Variants in DNAJC10 observed in about 807,000 individuals in gnomAD.
The protein encoded by DNAJC10 is endoplasmic reticulum disulfide reductase DNAJC10.
Under a neutral mutation model 115.0 loss-of-function variants are expected in DNAJC10, and 101 were observed. That is an observed-to-expected ratio of 0.88 (90% CI 0.75 to 1.04). The LOEUF is 1.04. Among genes scored for constraint, DNAJC10 ranks in the 50% least tolerant of loss-of-function variants. The probability of loss-of-function intolerance (pLI) is 0.00; values close to 1 mark genes in which losing one functional copy is unlikely to be tolerated. For synonymous variants in DNAJC10, 307 were observed against 301.5 expected (o/e 1.02, Z -0.19); for missense variants, 981 against 928.8 (o/e 1.06, Z -0.73).
At chr2:182,738,547 G>T (rs1559006010) in intron 11 of DNAJC10, among the ~76,000 whole-genome samples, 2 of 146,082 alleles carry the variant, frequency 1.4e-5, no homozygotes, top group African/African-American at 2.5e-5. Flanking sequence ...GTTTTTTTTG[G>T]TTTTTTTTTT....
rs1694952691 is a variant in DNAJC10, at chr2:182,786,691, C to A, written c.*9559C>A. ...CTTCAAACCCCATTCTTGCCAAAGC[C>A]AAGTTCTCTCCCTCCCTCTCAACAG... On this transcript the variant is annotated 3_prime_UTR_variant, in exon 24 of 24. Coordinates refer to ENST00000264065, the MANE Select transcript of DNAJC10 (RefSeq NM_018981.4). 1.3e-5 allele frequency: 2 copies of A among 152,268 alleles called. No homozygotes were observed. 9.4% of individuals were successfully genotyped at this position (152,268 alleles called of 1,614,324 possible). A position where few individuals can be genotyped will look rare whatever the true frequency, so the allele number is the denominator to read the frequency against.
chr2:182,780,332 A>T lies in DNAJC10; in HGVS notation c.*3200A>T, dbSNP rs1396143558. The stretch of plus-strand genomic sequence containing the variant: ...GAGTTCCTGCTGTGTTTATTCCTGC[A>T]AGAGCTGGTTGTTAAAAGGAACTTG... On this transcript the variant is annotated 3_prime_UTR_variant, in exon 24 of 24. Coordinates refer to ENST00000264065, the MANE Select transcript of DNAJC10 (RefSeq NM_018981.4). The T allele has an allele frequency of 6.6e-6, 1 of 152,092 alleles. No homozygotes were observed. Among genetic ancestry groups the T allele is most frequent in the East Asian group, 1.9e-4 (1 of 5,164 alleles). The allele number at this position is 152,092 out of a possible 1,614,324, so 9.4% of individuals were successfully genotyped here.
chr2:182,719,748 A>G (rs1383583629), intron 3 of DNAJC10, among the ~76,000 whole-genome samples: 1 of 150,614 alleles, frequency 6.6e-6, no homozygotes, highest in Non-Finnish European at 1.5e-5. Flanking sequence ...TCATGGTCTG[A>G]TAACGTCTGT....
In DNAJC10 at chr2:182,718,151, T is replaced by C; in HGVS notation, c.65T>C (p.Leu22Pro). The C allele has an allele frequency of 6.2e-7, 1 of 1,613,474 alleles. No homozygotes were observed. The highest frequency in any genetic ancestry group is 8.5e-7 in the Non-Finnish European group (1 of 1,179,760). Residue 22 changes from leucine to proline, a missense_variant, in exon 3 of 24, where the codon CTG becomes CCG. Coordinates refer to ENST00000264065, the MANE Select transcript of DNAJC10 (RefSeq NM_018981.4). Reference sequence around the variant, plus strand: ...TTGAAAAGGATCATTCTCTGTTTTCTGATAGTGTATATGGCCATTTTAGTG... The same window carrying C: ...TTGAAAAGGATCATTCTCTGTTTTCCGATAGTGTATATGGCCATTTTAGTG... Reference protein sequence around the residue: ...RDLKRIILCFLIVYMAILVGT... With the variant: ...RDLKRIILCFPIVYMAILVGT...
chr2:182,717,313 TTACAC>T (rs1693019365), intron 2 of DNAJC10, among the ~76,000 whole-genome samples: 2 of 152,328 alleles, frequency 1.3e-5, no homozygotes, highest in Admixed American at 1.3e-4. Context: ...TGCAATAAAA[TTACAC>T]TGGTAACTTA....
rs372893280 is a variant in DNAJC10, at chr2:182,723,037, C to CTTTTTT, written c.418+977_418+982dup. Reference sequence around the variant, plus strand: ...GTTTGTTCCTTCTAAGCAAGGGTGGCTTTTTTTTTTTTTTTTTTTTGAGAC... The same window carrying CTTTTTT: ...GTTTGTTCCTTCTAAGCAAGGGTGGCTTTTTTTTTTTTTTTTTTTTTTTTTTGAGAC... On this transcript the variant is annotated intron_variant, in intron 5 of 23. Coordinates refer to ENST00000264065, the MANE Select transcript of DNAJC10 (RefSeq NM_018981.4). Among the ~76,000 whole-genome samples the CTTTTTT allele has an allele frequency of 1.2e-4, 13 of 105,790 alleles. 1 individual carries two copies. Among genetic ancestry groups the CTTTTTT allele is most frequent in the African/African-American group, 1.8e-4 (5 of 27,182 alleles). The allele number at this position is 105,790 out of a possible 152,430, so 69.4% of individuals were successfully genotyped here.
chr2:182,762,446 T>G (rs1350596765), intron 21 of DNAJC10, among the ~76,000 whole-genome samples: 1 of 152,130 alleles, frequency 6.6e-6, no homozygotes, highest in Admixed American at 6.6e-5. Context: ...CATTGCAGGA[T>G]AAAGCTGCTC....
chr2:182,737,223 A>C (rs746258029), intron 11 of DNAJC10, among the ~76,000 whole-genome samples: 36 of 152,208 alleles, frequency 2.4e-4, no homozygotes, highest in Non-Finnish European at 4.9e-4. Flanking sequence ...TCTAGTTGTC[A>C]AGGAGCTAAG....
chr2:182,737,814 G>T (rs1693625235), intron 11 of DNAJC10, among the ~76,000 whole-genome samples: 1 of 152,062 alleles, frequency 6.6e-6, no homozygotes, highest in Non-Finnish European at 1.5e-5. Context: ...CAAGCCAAAT[G>T]CCCTGGAGTT....
At chr2:182,775,830 T>C (rs1694691825) in intron 23 of DNAJC10, among the ~76,000 whole-genome samples, 1 of 152,086 alleles carries the variant, frequency 6.6e-6, no homozygotes. Context: ...CTCTGGAAAA[T>C]GTTTAGTGAA....
intron 22 of DNAJC10, among the ~76,000 whole-genome samples, chr2:182,765,020 A>G (rs563883329): frequency 1.5e-3 from 235 of 152,324 alleles, no homozygotes; most frequent in Non-Finnish European, 2.1e-3. Context: ...CATGGCGACC[A>G]CTGGATGGCC....
chr2:182,773,848 T>G (rs542005915), intron 22 of DNAJC10, among the ~76,000 whole-genome samples: 43 of 152,358 alleles, frequency 2.8e-4, no homozygotes, highest in African/African-American at 9.1e-4. Context: ...ATCAAAGTCA[T>G]TCTCCGTCCA....
chr2:182,758,001 C>T (rs925895365), intron 19 of DNAJC10, among the ~76,000 whole-genome samples, 176 bp downstream of exon 19: 1 of 152,100 alleles, frequency 6.6e-6, no homozygotes. Flanking sequence ...ATTGAACAGT[C>T]TCACTGTGCA....
chr2:182,740,745 T>G (rs1002272999), intron 12 of DNAJC10, among the ~76,000 whole-genome samples: 1 of 152,172 alleles, frequency 6.6e-6, no homozygotes, highest in Non-Finnish European at 1.5e-5. Flanking sequence ...AGTTTATGGA[T>G]AGAATGCTGA....
chr2:182,754,215 T>C (rs1156707593), intron 16 of DNAJC10, among the ~76,000 whole-genome samples: 3 of 152,242 alleles, frequency 2.0e-5, no homozygotes, highest in Non-Finnish European at 4.4e-5. Context: ...GTGAATTATT[T>C]GAATTTGCAC....
intron 14 of DNAJC10, 110 bp downstream of exon 14, chr2:182,743,822 CT>C (rs555584379): frequency 1.4e-6 from 1 of 714,262 alleles, no homozygotes; most frequent in Non-Finnish European, 2.3e-6. Context: ...TTGTAAATAA[CT>C]TTTCTCAGTA....
chr2:182,771,497 A>G (rs926827488), intron 22 of DNAJC10, among the ~76,000 whole-genome samples: 12 of 152,132 alleles, frequency 7.9e-5, no homozygotes, highest in Non-Finnish European at 1.5e-4. Flanking sequence ...TATTGCCTCA[A>G]TTTCAGAGCC....
At chr2:182,762,283 G>C (rs1694304779) in intron 21 of DNAJC10, among the ~76,000 whole-genome samples, 1 of 152,092 alleles carries the variant, frequency 6.6e-6, no homozygotes, top group Middle Eastern at 3.2e-3. Context: ...GGAGGGACTG[G>C]AGAATACAGG....
At chr2:182,724,335 T>C (rs1693228190) in intron 5 of DNAJC10, among the ~76,000 whole-genome samples, 1 of 152,210 alleles carries the variant, frequency 6.6e-6, no homozygotes, top group Admixed American at 6.5e-5. Flanking sequence ...AATGACCTGA[T>C]GCAAATTACA....
Sources: allele counts gnomAD v4.1 joint callset (sites outside exome capture counted in the v4.1 genomes callset), GRCh38; gene constraint gnomAD v4.1.1; transcripts MANE v1.5; gene names NCBI Gene and HGNC (gene_info 2026-07-23, HGNC 2026-07-21).